The following GRIP1 variants were observed in gnomAD, a reference collection of about 807,000 sequenced individuals.
GRIP1 encodes glutamate receptor interacting protein 1.
GRIP1 carries 45 observed loss-of-function variants against 129.9 expected under a neutral mutation model. The ratio of observed to expected loss-of-function variants is 0.35; its 90% CI spans 0.27 to 0.44. The LOEUF is 0.44. Among genes scored for constraint, GRIP1 ranks in the 20% least tolerant of loss-of-function variants. The pLI is 1.00. For missense variants in GRIP1, 1,196 were observed against 1,396.8 expected (o/e 0.86, Z 2.29); for synonymous variants, 530 against 520.8 (o/e 1.02, Z -0.24).
chr12:66,773,919 A>T (rs1158905048), intron 1 of GRIP1, among the ~76,000 whole-genome samples: 2 of 152,150 alleles, frequency 1.3e-5, no homozygotes, highest in African/African-American at 4.8e-5. Context: ...AAGACTTCAC[A>T]CCCAATGGTT....
At position 66,693,901 on chromosome 12, in the gene GRIP1, G is replaced by T. The variant is rs118132523; in HGVS notation, c.-419-63565C>A. 5.2e-3 allele frequency among the ~76,000 whole-genome samples: 788 copies of T among 152,230 alleles called. 6 individuals carry two copies. The highest frequency in any genetic ancestry group is 0.014 in the Middle Eastern group (4 of 294). On this transcript the variant is annotated intron_variant, in intron 1 of 4. Coordinates refer to the GRIP1 transcript ENST00000538373. The stretch of plus-strand genomic sequence containing the variant: ...TGATGATAAATTTAGTGGTTGATTT[G>T]ATTGCACTCAAATTTGGCATCTTTA...
At chr12:66,483,759 T>G (rs2059873041) in intron 7 of GRIP1, among the ~76,000 whole-genome samples, 1 of 152,232 alleles carries the variant, frequency 6.6e-6, no homozygotes. Flanking sequence ...TGAATATATC[T>G]GTGTAACCAC....
chr12:66,392,983 T>C (rs1308089562), intron 17 of GRIP1, among the ~76,000 whole-genome samples, 167 bp from the exon 18 acceptor site: 1 of 152,162 alleles, frequency 6.6e-6, no homozygotes, highest in East Asian at 1.9e-4. Flanking sequence ...ACTGCATCTG[T>C]TGTGGATTAC....
intron 24 of GRIP1, among the ~76,000 whole-genome samples, chr12:66,350,803 C>T (rs893780428): frequency 6.6e-6 from 1 of 152,196 alleles, no homozygotes; most frequent in Non-Finnish European, 1.5e-5. Context: ...CCCAACCCAC[C>T]TTCGATAAAC....
intron 1 of GRIP1, among the ~76,000 whole-genome samples, chr12:66,931,876 G>A (rs187838399): frequency 1.0e-3 from 159 of 151,874 alleles, no homozygotes; most frequent in Middle Eastern, 3.4e-3. Flanking sequence ...TTTTTATATG[G>A]CCCCAATATT....
At chr12:66,651,422 T>C (rs2032785042) in intron 1 of GRIP1, among the ~76,000 whole-genome samples, 1 of 152,228 alleles carries the variant, frequency 6.6e-6, no homozygotes, top group Non-Finnish European at 1.5e-5. Context: ...TGTGTTCTGC[T>C]CTAGGGACTG....
At chr12:66,902,077 A>G (rs958856235) in intron 1 of GRIP1, among the ~76,000 whole-genome samples, 2 of 152,168 alleles carry the variant, frequency 1.3e-5, no homozygotes, top group Admixed American at 1.3e-4. Context: ...TGGGAAAGCA[A>G]TTAATATTTT....
At chr12:66,890,383 A>C (rs1357268711) in intron 1 of GRIP1, among the ~76,000 whole-genome samples, 1 of 152,238 alleles carries the variant, frequency 6.6e-6, no homozygotes, top group East Asian at 1.9e-4. Context: ...ATTGAATGCA[A>C]ACCCAACTAA....
At chr12:66,534,499 C>A (rs868745614) in intron 4 of GRIP1, among the ~76,000 whole-genome samples, 8 of 152,096 alleles carry the variant, frequency 5.3e-5, no homozygotes, top group Non-Finnish European at 1.0e-4. Flanking sequence ...CTCCTCACGG[C>A]CCACTGGATG....
intron 1 of GRIP1, among the ~76,000 whole-genome samples, chr12:66,983,980 G>A (rs539456111): frequency 2.0e-5 from 3 of 152,236 alleles, no homozygotes; most frequent in Non-Finnish European, 1.5e-5. Flanking sequence ...AGAAGATGTT[G>A]ATCATAGCAA....
At chr12:66,553,021 C>A (rs1258344615) in intron 2 of GRIP1, among the ~76,000 whole-genome samples, 1 of 152,132 alleles carries the variant, frequency 6.6e-6, no homozygotes, top group Non-Finnish European at 1.5e-5. Context: ...GCTCTCACAC[C>A]CTGTATTTGG....
At chr12:66,637,547 A>G (rs2031515093) in intron 1 of GRIP1, among the ~76,000 whole-genome samples, 2 of 149,764 alleles carry the variant, frequency 1.3e-5, no homozygotes, top group South Asian at 4.2e-4. Flanking sequence ...TAATAATTTT[A>G]TATCTCTCCT....
At position 66,394,415 on chromosome 12, in the gene GRIP1, T is replaced by C. The variant is rs569825242; in HGVS notation, c.1985-63A>G. 979 of 1,316,084 alleles carry C rather than the reference T, an allele frequency of 7.4e-4. 3 individuals are homozygous for C. Among genetic ancestry groups the C allele is most frequent in the Middle Eastern group, 1.1e-3 (6 of 5,506 alleles). 81.5% of individuals were successfully genotyped at this position (1,316,084 alleles called of 1,614,324 possible). A position where few individuals can be genotyped will look rare whatever the true frequency, so the allele number is the denominator to read the frequency against. ...GGAAAAAGCAAAAGAGTAAGATGCA[T>C]AGATTCATACATAAAAGAATTCAAA... On this transcript the variant is annotated intron_variant, in intron 16 of 24. Coordinates refer to ENST00000359742, the MANE Select transcript of GRIP1 (RefSeq NM_001366722.1).
chr12:66,743,852 A>C (rs1328901077), intron 1 of GRIP1, among the ~76,000 whole-genome samples: 3 of 152,218 alleles, frequency 2.0e-5, no homozygotes, highest in Non-Finnish European at 2.9e-5. Context: ...ATCTTTGTAG[A>C]GGACCTTTCC....
chr12:66,418,089 C>T (rs1210402228), intron 15 of GRIP1, among the ~76,000 whole-genome samples: 2 of 152,080 alleles, frequency 1.3e-5, no homozygotes, highest in African/African-American at 2.4e-5. Context: ...AAAAAACACA[C>T]ATATAGACCA....
intron 2 of GRIP1, among the ~76,000 whole-genome samples, chr12:66,548,734 T>C (rs767023429): frequency 6.6e-6 from 1 of 152,174 alleles, no homozygotes. Flanking sequence ...TTGGTGGATG[T>C]TGACATCTGT....
At chr12:66,639,566 A>G (rs2031737243) in intron 1 of GRIP1, among the ~76,000 whole-genome samples, 1 of 152,192 alleles carries the variant, frequency 6.6e-6, no homozygotes, top group Non-Finnish European at 1.5e-5. Flanking sequence ...TCTTTCAGGT[A>G]GGTGGGTTGT....
chr12:66,868,905 G>C (rs755592886), intron 1 of GRIP1, among the ~76,000 whole-genome samples: 1 of 152,114 alleles, frequency 6.6e-6, no homozygotes, highest in African/African-American at 2.4e-5. Flanking sequence ...CGTTTACAAA[G>C]TTATCTTTCA....
chr12:66,455,445 T>A lies in GRIP1; in HGVS notation c.1318A>T (p.Arg440Trp). The A allele has an allele frequency of 6.2e-7, 1 of 1,614,144 alleles. No individual in the cohort carries two copies. Among genetic ancestry groups the A allele is most frequent in the Non-Finnish European group, 8.5e-7 (1 of 1,179,964 alleles). The change falls in exon 11 of 25, where the codon AGG (arginine) becomes TGG (tryptophan). Residue 440 changes from arginine to tryptophan, a missense_variant. Arg to Trp is a moderately radical substitution (Grantham distance 101, BLOSUM62 -3). This residue lies in a region of GRIP1 where 508 missense variants were observed against 587.0 expected (regional missense o/e 0.87). Transcript: ENST00000359742. ...AAGTCTTTCTTTTTCAGTCTCCTCC[T>A]CATCATGGTTCCACGTGGGCTGGTG... is the stretch of plus-strand genomic sequence containing the variant. ...YSTSPRGTMM[R>W]RRLKKKDFKS...
Sources: gnomAD v4.1 joint callset for allele counts (sites outside exome capture counted in the v4.1 genomes callset) on GRCh38, gnomAD v4.1.1 for gene constraint, gnomAD v4.1.1 regional missense constraint, MANE v1.5 for transcripts, NCBI Gene and HGNC (gene_info 2026-07-23, HGNC 2026-07-21) for gene names.